Variants in CTDSPL observed in about 807,000 individuals in gnomAD.
The protein encoded by CTDSPL is CTD small phosphatase like.
CTDSPL carries 8 observed loss-of-function variants against 30.5 expected under a neutral mutation model. The ratio of observed to expected loss-of-function variants is 0.26; its 90% CI spans 0.15 to 0.47. The LOEUF (loss-of-function observed/expected upper bound fraction) is 0.47. Among genes scored for constraint, CTDSPL ranks in the 20% least tolerant of loss-of-function variants. The probability of loss-of-function intolerance (pLI) is 0.99; values close to 1 mark genes in which losing one functional copy is unlikely to be tolerated. For missense variants in CTDSPL, 248 were observed against 366.1 expected (o/e 0.68, Z 2.63); for synonymous variants, 110 against 137.9 (o/e 0.80, Z 1.42).
At chr3:37,970,785 G>A (rs770026624) in intron 5 of CTDSPL, among the ~76,000 whole-genome samples, 3 of 152,202 alleles carry the variant, frequency 2.0e-5, no homozygotes, top group Non-Finnish European at 4.4e-5. Context: ...CTGGGGTCCA[G>A]GAATAGCGAT....
chr3:37,977,333 AT>A (rs1699440292), intron 7 of CTDSPL, among the ~76,000 whole-genome samples: 2 of 152,212 alleles, frequency 1.3e-5, no homozygotes, highest in Non-Finnish European at 2.9e-5. Context: ...AAAAAGATCC[AT>A]GCATTGCTTT....
At chr3:37,943,390 G>A (rs1698999970) in intron 1 of CTDSPL, among the ~76,000 whole-genome samples, 1 of 149,986 alleles carries the variant, frequency 6.7e-6, no homozygotes, top group South Asian at 2.2e-4. Flanking sequence ...GTGTGATGAG[G>A]AGTCTACCAT....
intron 6 of CTDSPL, 57 bp downstream of exon 6, chr3:37,971,556 C>T (rs568987661): frequency 2.0e-6 from 3 of 1,483,542 alleles, no homozygotes; most frequent in East Asian, 4.6e-5. Context: ...CCCCTCCACC[C>T]CTACCCCCAA....
At chr3:37,930,456 T>G (rs1275629835) in intron 1 of CTDSPL, among the ~76,000 whole-genome samples, 11 of 151,942 alleles carry the variant, frequency 7.2e-5, no homozygotes, top group Admixed American at 6.6e-4. Flanking sequence ...TCTTTATTAT[T>G]ATGATTATTA....
intron 6 of CTDSPL, among the ~76,000 whole-genome samples, chr3:37,973,851 A>C (rs1699395104): frequency 6.6e-6 from 1 of 152,226 alleles, no homozygotes. Flanking sequence ...TCATTCTCTA[A>C]GGCCTGGAGG....
intron 2 of CTDSPL, among the ~76,000 whole-genome samples, chr3:37,948,881 C>T (rs1310310940): frequency 1.5e-5 from 2 of 134,238 alleles, no homozygotes; most frequent in African/African-American, 3.0e-5. Flanking sequence ...ACTGCAGTGG[C>T]GCAATCTCGG....
At chr3:37,960,074 C>T (rs1245193628) in intron 3 of CTDSPL, among the ~76,000 whole-genome samples, 10 of 151,858 alleles carry the variant, frequency 6.6e-5, no homozygotes, top group Non-Finnish European at 1.5e-4. Flanking sequence ...GCATGGTGGC[C>T]GGGTGCGGTG....
At chr3:37,925,576 G>A (rs940946250) in intron 1 of CTDSPL, among the ~76,000 whole-genome samples, 1 of 152,178 alleles carries the variant, frequency 6.6e-6, no homozygotes, top group African/African-American at 2.4e-5. Flanking sequence ...CCCTGCAGAG[G>A]CCTCAAACTT....
At chr3:37,929,541 G>A (rs1163566028) in intron 1 of CTDSPL, among the ~76,000 whole-genome samples, 2 of 152,036 alleles carry the variant, frequency 1.3e-5, no homozygotes, top group Non-Finnish European at 2.9e-5. Context: ...TCTTTTTAAT[G>A]CTATTGTAAA....
At chr3:37,884,912 A>T (rs1399953782) in intron 1 of CTDSPL, among the ~76,000 whole-genome samples, 2 of 152,114 alleles carry the variant, frequency 1.3e-5, no homozygotes, top group African/African-American at 4.8e-5. Flanking sequence ...GAAAGTGATA[A>T]GAGTCTCCAA....
chr3:37,877,220 T>C (rs190338102), intron 1 of CTDSPL, among the ~76,000 whole-genome samples: 272 of 152,300 alleles, frequency 1.8e-3, no homozygotes, highest in Non-Finnish European at 3.2e-3. Context: ...CCAGAACTCT[T>C]TTCATATTGC....
rs570961480 is a variant in CTDSPL at position 37,939,662 on chromosome 3, C to T, written c.80-7395C>T. On this transcript the variant is annotated intron_variant, in intron 1 of 7. Transcript: ENST00000273179. ...AGGCCCTTGCTGTCATTACTCCTAT[C>T]TCATACTCCTTGCTACTCCTTTGAT... 6.0e-5 allele frequency among the ~76,000 whole-genome samples: 9 copies of T among 150,484 alleles called. No individual in the cohort carries two copies. The East Asian group carries it at 1.8e-3, about 29-fold the overall frequency.
intron 7 of CTDSPL, among the ~76,000 whole-genome samples, chr3:37,976,251 G>A (rs989669295): frequency 8.4e-4 from 127 of 152,082 alleles, no homozygotes; most frequent in Admixed American, 8.2e-3. Context: ...GGGTTCTGCT[G>A]GCAGTAACCT....
chr3:37,965,017 G>C (rs1214566876), intron 4 of CTDSPL, among the ~76,000 whole-genome samples: 1 of 152,170 alleles, frequency 6.6e-6, no homozygotes, highest in Non-Finnish European at 1.5e-5. Context: ...AAGATGACCA[G>C]AGTGCTATGT....
chr3:37,909,918 C>G (rs778020299), intron 1 of CTDSPL, among the ~76,000 whole-genome samples: 9 of 152,216 alleles, frequency 5.9e-5, no homozygotes, highest in Non-Finnish European at 1.3e-4. Flanking sequence ...TGGTATCACA[C>G]ATTCCTGTTC....
At chr3:37,878,927 C>G (rs1698169764) in intron 1 of CTDSPL, among the ~76,000 whole-genome samples, 1 of 152,134 alleles carries the variant, frequency 6.6e-6, no homozygotes, top group African/African-American at 2.4e-5. Flanking sequence ...AATAGGGTGT[C>G]TAAGAGAATA....
chr3:37,945,028 T>A (rs1699019453), intron 1 of CTDSPL, among the ~76,000 whole-genome samples: 1 of 150,316 alleles, frequency 6.7e-6, no homozygotes, highest in Non-Finnish European at 1.5e-5. Context: ...GATCCAAGGA[T>A]GAAAATAGGA....
rs74564945 is a variant in CTDSPL, at chr3:37,876,767, G to A, written c.79+14489G>A. Reference sequence around the variant, plus strand: ...CCAGTCTATGGTTTATATTTTTATCGTCTTAGTAATGTCTTTTTTTTTTCA... The same window carrying A: ...CCAGTCTATGGTTTATATTTTTATCATCTTAGTAATGTCTTTTTTTTTTCA... On this transcript the variant is annotated intron_variant, in intron 1 of 7. Transcript: ENST00000273179. Among the ~76,000 whole-genome samples the A allele has an allele frequency of 9.3e-3, 1,405 of 150,736 alleles. 10 individuals carry two copies. The highest frequency in any genetic ancestry group is 0.021 in the Middle Eastern group (6 of 290).
At chr3:37,920,994 C>T (rs377427111) in intron 1 of CTDSPL, among the ~76,000 whole-genome samples, 104 of 152,190 alleles carry the variant, frequency 6.8e-4, no homozygotes, top group Non-Finnish European at 1.1e-3. Flanking sequence ...GGTTTGAACC[C>T]GGGTCTTTTG....
Sources: allele counts gnomAD v4.1 joint callset (sites outside exome capture counted in the v4.1 genomes callset), GRCh38; gene constraint gnomAD v4.1.1; transcripts MANE v1.5; gene names NCBI Gene and HGNC (gene_info 2026-07-23, HGNC 2026-07-21).